Variants in LAMA4 observed in about 807,000 individuals in gnomAD.
LAMA4 encodes the protein laminin subunit alpha-4.
LAMA4 carries 127 observed loss-of-function variants against 207.1 expected under a neutral mutation model. The observed-to-expected ratio is 0.61, with a 90% CI of 0.53 to 0.71. The LOEUF (loss-of-function observed/expected upper bound fraction) is 0.71. LAMA4 is among the 30% of genes least tolerant of loss of function. The probability of loss-of-function intolerance (pLI) is 0.00; values close to 1 mark genes in which losing one functional copy is unlikely to be tolerated. For synonymous variants in LAMA4, 761 were observed against 816.0 expected, an observed-to-expected ratio of 0.93 and a Z score of 1.15; for missense variants, 2,093 against 2,246.5, an observed-to-expected ratio of 0.93 and a Z score of 1.38.
chr6:112,246,785 G>A (rs192330097), intron 2 of LAMA4, among the ~76,000 whole-genome samples: 30 of 152,320 alleles, frequency 2.0e-4, no homozygotes, highest in Middle Eastern at 3.4e-3. Context: ...CTCCCAAAGT[G>A]TTGGGATTAC....
chr6:112,171,204 A>G (rs1424248671), intron 12 of LAMA4, among the ~76,000 whole-genome samples: 4 of 149,298 alleles, frequency 2.7e-5, no homozygotes, highest in African/African-American at 9.8e-5. Context: ...ATTTCCTTTT[A>G]TCTGTCTCTC....
intron 2 of LAMA4, among the ~76,000 whole-genome samples, chr6:112,220,519 A>G (rs1554360278): frequency 6.6e-6 from 1 of 152,178 alleles, no homozygotes; most frequent in East Asian, 1.9e-4. Flanking sequence ...CTGGGATGAC[A>G]GGACATGTTG....
chr6:112,168,944 AC>A (rs1781555800), intron 12 of LAMA4, among the ~76,000 whole-genome samples: 1 of 152,204 alleles, frequency 6.6e-6, no homozygotes, highest in Non-Finnish European at 1.5e-5. Flanking sequence ...CAAAGGAGAC[AC>A]CATGAGCAAA....
At chr6:112,226,350 T>C (rs985621261) in intron 2 of LAMA4, among the ~76,000 whole-genome samples, 8 of 152,188 alleles carry the variant, frequency 5.3e-5, no homozygotes, top group African/African-American at 1.9e-4. Context: ...CTCCCTCTGC[T>C]CTAATGCAAT....
intron 2 of LAMA4, among the ~76,000 whole-genome samples, chr6:112,251,070 A>T (rs1787414636): frequency 6.6e-6 from 1 of 152,202 alleles, no homozygotes; most frequent in African/African-American, 2.4e-5. Flanking sequence ...TAAACTCAGC[A>T]ATAAAGGACT....
At chr6:112,123,715 C>G (rs1778512722) in intron 31 of LAMA4, among the ~76,000 whole-genome samples, 2 of 152,142 alleles carry the variant, frequency 1.3e-5, no homozygotes, top group Non-Finnish European at 2.9e-5. Flanking sequence ...TGGATTTTGG[C>G]AGTGGAGACT....
intron 14 of LAMA4, among the ~76,000 whole-genome samples, chr6:112,156,166 T>G (rs1354910267): frequency 6.6e-6 from 1 of 152,136 alleles, no homozygotes; most frequent in Non-Finnish European, 1.5e-5. Context: ...GAGGCCTGGC[T>G]GCATCCTGGG....
At chr6:112,213,014 A>T (rs4945899) in intron 3 of LAMA4, among the ~76,000 whole-genome samples, 1 of 152,028 alleles carries the variant, frequency 6.6e-6, no homozygotes, top group East Asian at 1.9e-4. Context: ...AATAAGAAAC[A>T]AATTAGCCTT....
At chr6:112,155,358 C>T (rs964255388) in intron 15 of LAMA4, 46 of 607,062 alleles carry the variant, frequency 7.6e-5, no homozygotes, top group Non-Finnish European at 1.3e-4. Context: ...AAGGAACTGG[C>T]ATTTGCTGAC....
chr6:112,158,265 G>C (rs1554337443), intron 14 of LAMA4: 1 of 182,366 alleles, frequency 5.5e-6, no homozygotes, highest in Non-Finnish European at 1.2e-5. Flanking sequence ...CAGTTATATT[G>C]CCAATTCCCG....
intron 2 of LAMA4, among the ~76,000 whole-genome samples, chr6:112,232,506 C>A (rs1274885733): frequency 6.6e-6 from 1 of 151,978 alleles, no homozygotes; most frequent in Non-Finnish European, 1.5e-5. Context: ...TATGTATTTT[C>A]TTTAACTTTT....
At chr6:112,238,417 A>G (rs1562767057) in intron 2 of LAMA4, among the ~76,000 whole-genome samples, 1 of 152,186 alleles carries the variant, frequency 6.6e-6, no homozygotes, top group African/African-American at 2.4e-5. Flanking sequence ...CAAAATATTG[A>G]ATTAAAAGTT....
chr6:112,111,263 C>A (rs1777677394), intron 38 of LAMA4, among the ~76,000 whole-genome samples: 1 of 152,246 alleles, frequency 6.6e-6, no homozygotes, highest in South Asian at 2.1e-4. Context: ...AGGCTGGTTT[C>A]CACCTCCTGA....
chr6:112,171,242 A>C (rs1554341630), intron 12 of LAMA4, among the ~76,000 whole-genome samples: 2 of 149,800 alleles, frequency 1.3e-5, no homozygotes, highest in African/African-American at 4.9e-5. Context: ...ACTACTGGTT[A>C]CAACCCATGA....
chr6:112,213,284 C>G (rs73764709), intron 3 of LAMA4, among the ~76,000 whole-genome samples: 3,617 of 152,248 alleles, frequency 0.024, 150 homozygotes, highest in African/African-American at 0.082. Flanking sequence ...TGTACTTAAG[C>G]CTCTAGGGCT....
At chr6:112,112,281 G>C (rs145239549) in intron 38 of LAMA4, among the ~76,000 whole-genome samples, 256 of 152,250 alleles carry the variant, frequency 1.7e-3, no homozygotes, top group African/African-American at 5.7e-3. Flanking sequence ...AGGAAAGGAA[G>C]AACATTTCCC....
intron 4 of LAMA4, among the ~76,000 whole-genome samples, chr6:112,205,759 G>A (rs1044801060): frequency 2.0e-5 from 3 of 151,988 alleles, no homozygotes; most frequent in South Asian, 2.1e-4. Context: ...AGGCACCACC[G>A]AGGAACCAAA....
At chr6:112,160,150 G>A (rs1320956130) in intron 13 of LAMA4, among the ~76,000 whole-genome samples, 8 of 152,022 alleles carry the variant, frequency 5.3e-5, no homozygotes, top group African/African-American at 1.7e-4. Flanking sequence ...TAGAACTTGG[G>A]TTCTGGAAAG....
intron 9 of LAMA4, 46 bp downstream of exon 9, chr6:112,185,191 C>T (rs781797305): frequency 7.8e-7 from 1 of 1,286,260 alleles, no homozygotes; most frequent in African/African-American, 1.5e-5. Context: ...TCAGCTAAAT[C>T]CTTTCTTTGA....
Sources: allele counts gnomAD v4.1 joint callset (sites outside exome capture counted in the v4.1 genomes callset), GRCh38; gene constraint gnomAD v4.1.1; transcripts MANE v1.5; gene names NCBI Gene and HGNC (gene_info 2026-07-23, HGNC 2026-07-21).